LDLRAD4: variants seen among roughly 807,000 people sequenced by gnomAD.
The protein encoded by LDLRAD4 is low density lipoprotein receptor class A domain containing 4, also known as low-density lipoprotein receptor class A domain-containing protein 4.
In LDLRAD4, 5 loss-of-function variants were observed where a neutral mutation model predicts 17.0. The observed-to-expected ratio is 0.29, with a 90% CI of 0.15 to 0.62. The LOEUF (loss-of-function observed/expected upper bound fraction) is 0.62. LDLRAD4 is among the 20% of genes least tolerant of loss of function. The pLI, the probability that LDLRAD4 is intolerant of heterozygous loss-of-function variation, is 0.84. For synonymous variants in LDLRAD4, 168 were observed against 171.8 expected (o/e 0.98, Z 0.17); for missense variants, 340 against 424.7 (o/e 0.80, Z 1.75).
At chr18:13,404,519 C>T (rs1344516429) in intron 2 of LDLRAD4, among the ~76,000 whole-genome samples, 1 of 152,052 alleles carries the variant, frequency 6.6e-6, no homozygotes, top group Non-Finnish European at 1.5e-5. Flanking sequence ...AAGATGCGGC[C>T]GGGCATGGTG....
chr18:13,457,520 G>A (rs2146494644), intron 3 of LDLRAD4, among the ~76,000 whole-genome samples: 1 of 152,336 alleles, frequency 6.6e-6, no homozygotes, highest in African/African-American at 2.4e-5. Flanking sequence ...GGAAAGGCTG[G>A]AGGAGAGAGA....
chr18:13,411,531 G>A (rs1315371065), intron 2 of LDLRAD4, among the ~76,000 whole-genome samples: 1 of 152,136 alleles, frequency 6.6e-6, no homozygotes. Context: ...GAATCACAGG[G>A]ATGAGTCTTT....
intron 3 of LDLRAD4, among the ~76,000 whole-genome samples, chr18:13,566,355 G>T (rs1263075270): frequency 2.1e-5 from 3 of 141,620 alleles, no homozygotes; most frequent in African/African-American, 8.2e-5. Flanking sequence ...TCAATAAAGA[G>T]CATGCCTTAG....
At chr18:13,600,874 A>G (rs1016417907) in intron 3 of LDLRAD4, among the ~76,000 whole-genome samples, 2 of 152,178 alleles carry the variant, frequency 1.3e-5, no homozygotes, top group Non-Finnish European at 2.9e-5. Flanking sequence ...AGGACTCTAC[A>G]TTTTTATTAT....
chr18:13,372,291 G>A (rs567424615), intron 1 of LDLRAD4, among the ~76,000 whole-genome samples: 3 of 152,268 alleles, frequency 2.0e-5, no homozygotes, highest in East Asian at 1.9e-4. Flanking sequence ...AGTTGCCTTG[G>A]GGGTACACGT....
At chr18:13,591,868 A>G (rs969048848) in intron 3 of LDLRAD4, among the ~76,000 whole-genome samples, 1 of 152,216 alleles carries the variant, frequency 6.6e-6, no homozygotes, top group African/African-American at 2.4e-5. Context: ...TTTGATTGTT[A>G]TAACATCGTT....
Position 13,645,642 on chromosome 18 carries a change from T to C in LDLRAD4, c.906T>C (p.Pro302=). 1 of 1,515,360 alleles carries C rather than the reference T, an allele frequency of 6.6e-7. No individual in the cohort carries two copies. Among genetic ancestry groups the C allele is most frequent in the Middle Eastern group, 1.8e-4 (1 of 5,600 alleles). 93.9% of individuals were successfully genotyped at this position (1,515,360 alleles called of 1,614,324 possible). The stretch of plus-strand genomic sequence containing the variant: ...CCATCAAAGGCAAAGATAGGAAGCC[T>C]GGGAACCTGGTCTGATTCCTTCCAA... The change falls in exon 6 of 6, where the codon CCT becomes CCC. Residue 302 remains proline (P), a synonymous_variant. Transcript: ENST00000359446. This position sits in a 1 kb window ranked among gnomAD's most constrained non-coding sequence, Gnocchi z 5.7.
At chr18:13,416,332 A>G (rs2088889051) in intron 2 of LDLRAD4, among the ~76,000 whole-genome samples, 1 of 152,210 alleles carries the variant, frequency 6.6e-6, no homozygotes, top group Non-Finnish European at 1.5e-5. Flanking sequence ...GGTTTGCATG[A>G]GATCCTCCAA....
chr18:13,451,902 G>T (rs3848469), intron 3 of LDLRAD4, among the ~76,000 whole-genome samples: 3 of 152,096 alleles, frequency 2.0e-5, no homozygotes, highest in Non-Finnish European at 4.4e-5. Context: ...TATGACTTTG[G>T]GGGTGGGGAG....
chr18:13,636,951 C>CCT (rs1425899367), intron 4 of LDLRAD4, among the ~76,000 whole-genome samples: 1 of 151,850 alleles, frequency 6.6e-6, no homozygotes, highest in Non-Finnish European at 1.5e-5. Flanking sequence ...GCACCCACCA[C>CCT]TACACCCGAC....
At chr18:13,401,426 G>A (rs751791084) in intron 2 of LDLRAD4, among the ~76,000 whole-genome samples, 1 of 151,820 alleles carries the variant, frequency 6.6e-6, no homozygotes, top group Non-Finnish European at 1.5e-5. Flanking sequence ...CACAGTAGAA[G>A]GGCTTTATAT....
chr18:13,573,682 G>A (rs760547205), intron 3 of LDLRAD4, among the ~76,000 whole-genome samples: 1 of 152,230 alleles, frequency 6.6e-6, no homozygotes, highest in Non-Finnish European at 1.5e-5. Context: ...AAGCCAACAA[G>A]CATTGGACTA....
chr18:13,650,192 G>A (rs1317913847), exon 6 of LDLRAD4: 11 of 400,070 alleles, frequency 2.7e-5, no homozygotes, highest in Non-Finnish European at 4.4e-5. Flanking sequence ...TACCCGGCAC[G>A]CTGTGTCCTT....
intron 3 of LDLRAD4, among the ~76,000 whole-genome samples, chr18:13,606,223 G>T (rs1321802827): frequency 6.6e-6 from 1 of 152,164 alleles, no homozygotes; most frequent in Non-Finnish European, 1.5e-5. Context: ...GGGCTTGGAA[G>T]GGTAGCTGCA....
intron 3 of LDLRAD4, among the ~76,000 whole-genome samples, chr18:13,539,287 G>A (rs2094242302): frequency 6.6e-6 from 1 of 152,220 alleles, no homozygotes; most frequent in South Asian, 2.1e-4. Flanking sequence ...GGGAGCAACT[G>A]TGTGCTTGTT....
chr18:13,440,279 C>T lies in LDLRAD4; in HGVS notation c.181+1895C>T, dbSNP rs1465038155. On this transcript the variant is annotated intron_variant, in intron 3 of 5. Coordinates refer to ENST00000359446, the Ensembl canonical transcript of LDLRAD4. The surrounding 1 kb of genome is among the most constrained non-coding windows in gnomAD (Gnocchi z 4.4). Reference sequence around the variant, plus strand: ...ACCCTCCTTCCTACCCTTCCCTCCTCCCTCGCTCCCTTTCTTGTCAGTATT... The same window carrying T: ...ACCCTCCTTCCTACCCTTCCCTCCTTCCTCGCTCCCTTTCTTGTCAGTATT... 6.6e-6 allele frequency among the ~76,000 whole-genome samples: 1 copy of T among 152,162 alleles called. No homozygotes were observed. The highest frequency in any genetic ancestry group is 6.5e-5 in the Admixed American group (1 of 15,276).
chr18:13,324,313 A>ATTT (rs11415761), intron 1 of LDLRAD4, among the ~76,000 whole-genome samples: 2 of 147,782 alleles, frequency 1.4e-5, no homozygotes, highest in African/African-American at 5.0e-5. Context: ...AATTTTTCGT[A>ATTT]TTTTTTTTTT....
Position 13,645,784 on chromosome 18 carries a change from G to C in LDLRAD4, c.*127G>C. 1.6e-6 allele frequency: 1 copy of C among 619,172 alleles called. No homozygotes were observed. The allele number at this position is 619,172 out of a possible 1,614,324, so 38.4% of individuals were successfully genotyped here. On this transcript the variant is annotated 3_prime_UTR_variant, in exon 6 of 6. Transcript: ENST00000359446. The surrounding 1 kb of genome is among the most constrained non-coding windows in gnomAD (Gnocchi z 5.7). ...TAAGTAAAACCAAATGAGCAAACACGGTCTTTGTTTCTGATTCCTTTTAGG... is the reference window on the plus strand; with the variant it reads ...TAAGTAAAACCAAATGAGCAAACACCGTCTTTGTTTCTGATTCCTTTTAGG...
chr18:13,410,984 C>T (rs1600066456), intron 2 of LDLRAD4, among the ~76,000 whole-genome samples: 1 of 152,166 alleles, frequency 6.6e-6, no homozygotes, highest in Admixed American at 6.5e-5. Flanking sequence ...GGTGCGGTGG[C>T]TTACGCCTAT....
Sources: gnomAD v4.1 joint callset for allele counts (sites outside exome capture counted in the v4.1 genomes callset) on GRCh38, gnomAD v4.1.1 for gene constraint, Gnocchi (gnomAD v3.1) non-coding constraint, MANE v1.5 for transcripts, NCBI Gene and HGNC (gene_info 2026-07-23, HGNC 2026-07-21) for gene names.